MED15: variants seen among roughly 807,000 people sequenced by gnomAD.
MED15 encodes mediator of RNA polymerase II transcription subunit 15.
Under a neutral mutation model 118.7 loss-of-function variants are expected in MED15, and 41 were observed. The observed-to-expected ratio is 0.35, with a 90% CI of 0.27 to 0.45. MED15 has a LOEUF of 0.45. MED15 is among the 20% of genes least tolerant of loss of function. The pLI is 1.00. For synonymous variants in MED15, 436 were observed against 413.9 expected, an observed-to-expected ratio of 1.05 and a Z score of -0.65; for missense variants, 740 against 1,025.5, an observed-to-expected ratio of 0.72 and a Z score of 3.80.
rs1166054585 is a variant in MED15, at chr22:20,508,034, TC to T, written c.68+293del. On this transcript the variant is annotated intron_variant, in intron 1 of 17. Coordinates refer to ENST00000263205, the MANE Select transcript of MED15 (RefSeq NM_001003891.3). ...ATTTGTGTGCTTTGGGTGCAGACTT[TC>T]CCCCGCTTTTTGAACCACACTGAAT... The T allele has an allele frequency of 3.6e-6, 5 of 1,390,420 alleles. No homozygotes were observed. In the Admixed American group the frequency reaches 9.0e-5, roughly 25 times the overall value. The allele number at this position is 1,390,420 out of a possible 1,614,324, so 86.1% of individuals were successfully genotyped here.
Position 20,587,022 on chromosome 22 carries a change from C to T in MED15, c.*318C>T. 1 of 421,426 alleles carries T rather than the reference C, an allele frequency of 2.4e-6. No individual in the cohort carries two copies. The highest frequency in any genetic ancestry group is 4.4e-6 in the Non-Finnish European group (1 of 228,302). 26.1% of individuals were successfully genotyped at this position (421,426 alleles called of 1,614,324 possible). ...CCACGGTCCAGGTCCATCTCAGCAGCGTGAGGGTGCACTCAGGGTGTTGTT... is the reference window on the plus strand; with the variant it reads ...CCACGGTCCAGGTCCATCTCAGCAGTGTGAGGGTGCACTCAGGGTGTTGTT... On this transcript the variant is annotated 3_prime_UTR_variant, in exon 18 of 18. Coordinates refer to ENST00000263205, the MANE Select transcript of MED15 (RefSeq NM_001003891.3).
intron 1 of MED15, 78 bp downstream of exon 1, chr22:20,507,824 C>T (rs1202502905): frequency 1.3e-6 from 2 of 1,585,694 alleles, no homozygotes; most frequent in Middle Eastern, 1.7e-4. Context: ...GGGCCGGACC[C>T]GTGAGAAACC....
Position 20,586,886 on chromosome 22 carries a change from A to G in MED15, c.*182A>G. On this transcript the variant is annotated 3_prime_UTR_variant, in exon 18 of 18. Coordinates refer to ENST00000263205, the MANE Select transcript of MED15 (RefSeq NM_001003891.3). ...ACCTGTACAGAACTGGGATAGGCGC[A>G]GTGGAGCGGGTTGCTTGGGGGGCGT... 1.0e-6 allele frequency: 1 copy of G among 971,474 alleles called. No individual in the cohort carries two copies. Among genetic ancestry groups the G allele is most frequent in the African/African-American group, 1.6e-5 (1 of 61,066 alleles). 60.2% of individuals were successfully genotyped at this position (971,474 alleles called of 1,614,324 possible). A position where few individuals can be genotyped will look rare whatever the true frequency, so the allele number is the denominator to read the frequency against.
rs752939925 is a variant in MED15 at position 20,568,637 on chromosome 22, G to T, written c.1152+6G>T. The T allele has an allele frequency of 1.9e-6, 3 of 1,612,304 alleles. No homozygotes were observed. Among genetic ancestry groups the T allele is most frequent in the South Asian group, 1.1e-5 (1 of 90,876 alleles). Reference sequence around the variant, plus strand: ...TGGTGGCTCCCGGAGTCCAGGTGAGGGCCTGGGGGTGGAGGGCTCCATAGT... The same window carrying T: ...TGGTGGCTCCCGGAGTCCAGGTGAGTGCCTGGGGGTGGAGGGCTCCATAGT... On this transcript the variant is annotated splice_donor_region_variant and intron_variant, in intron 8 of 17. Transcript: ENST00000263205.
At position 20,523,349 on chromosome 22, in the gene MED15, C is replaced by CT. The variant is rs201316254; in HGVS notation, c.69-13759dup. Among the ~76,000 whole-genome samples the CT allele has an allele frequency of 1.5e-3, 219 of 150,760 alleles. 2 individuals carry two copies. The Middle Eastern group carries it at 0.017, about 12-fold the overall frequency. Reference sequence around the variant, plus strand: ...GGGCTTGAGATAAGCATTTGACTTCCTTTTTTTTTAAAAAAAAAGTTCATT... The same window carrying CT: ...GGGCTTGAGATAAGCATTTGACTTCCTTTTTTTTTTAAAAAAAAAGTTCATT... On this transcript the variant is annotated intron_variant, in intron 1 of 17. Transcript: ENST00000263205.
In MED15 at chr22:20,575,184, C is replaced by T. The variant is rs758103595; in HGVS notation, c.1224C>T (p.Ser408=). 8.1e-6 allele frequency: 13 copies of T among 1,614,044 alleles called. No homozygotes were observed. Among genetic ancestry groups the T allele is most frequent in the African/African-American group, 5.3e-5 (4 of 74,932 alleles). ...GGTTCCCGCCTACCACCGCTGTGTC[C>T]GCCATCCCGTCAAGCTCCATCCCTT... The part of the protein sequence containing the change: ...RARFPPTTAV[S]AIPSSSIPLG... The change falls in exon 9 of 18, where the codon TCC becomes TCT. Residue 408 remains serine, a synonymous_variant. Coordinates refer to ENST00000263205, the MANE Select transcript of MED15 (RefSeq NM_001003891.3).
At chr22:20,564,709 G>A in intron 6 of MED15, 21 bp downstream of exon 6, 1 of 1,613,964 alleles carries the variant, frequency 6.2e-7, no homozygotes, top group Non-Finnish European at 8.5e-7. Flanking sequence ...CCCTGTTCCT[G>A]CTCTTGGCCT....
chr22:20,584,110 C>A, intron 13 of MED15: 1 of 554,322 alleles, frequency 1.8e-6, no homozygotes, highest in Non-Finnish European at 3.2e-6. Context: ...GAGGCATTCA[C>A]AGCCTGATCA....
chr22:20,546,511 G>GTT (rs748241696), intron 2 of MED15, among the ~76,000 whole-genome samples: 1 of 134,100 alleles, frequency 7.5e-6, no homozygotes, highest in Non-Finnish European at 1.5e-5. Context: ...AGTTTTTTTT[G>GTT]TTTTTTTTTT....
At chr22:20,510,357 G>A (rs1375802167) in intron 1 of MED15, among the ~76,000 whole-genome samples, 1 of 152,138 alleles carries the variant, frequency 6.6e-6, no homozygotes, top group African/African-American at 2.4e-5. Flanking sequence ...CTGCTATCCC[G>A]CCTAGTGACA....
intron 1 of MED15, among the ~76,000 whole-genome samples, chr22:20,530,876 G>A (rs1238326393): frequency 6.6e-6 from 1 of 152,166 alleles, no homozygotes; most frequent in South Asian, 2.1e-4. Context: ...TGCTGAGGAG[G>A]GGGCAACAAT....
Position 20,566,574 on chromosome 22 carries a change from C to CCAGCCACCAATTCAG in MED15, c.807_821dup (p.Ile270_Pro274dup), listed in dbSNP as rs757497835. ...AGCAGCAGCAGCAGGCTTTGCAGGC[C>CCAGCCACCAATTCAG]CAGCCACCAATTCAGCAGCCACCGA... On this transcript the variant is annotated inframe_insertion, in exon 7 of 18. Coordinates refer to ENST00000263205, the MANE Select transcript of MED15 (RefSeq NM_001003891.3). 2 of 1,612,908 alleles carry CCAGCCACCAATTCAG rather than the reference C, an allele frequency of 1.2e-6. No homozygotes were observed. The highest frequency in any genetic ancestry group is 2.2e-5 in the South Asian group (2 of 91,012).
intron 1 of MED15, among the ~76,000 whole-genome samples, chr22:20,520,586 A>G (rs2054410992): frequency 6.6e-6 from 1 of 152,144 alleles, no homozygotes; most frequent in African/African-American, 2.4e-5. Context: ...AATCCCTATC[A>G]CAGTGAACGA....
chr22:20,553,476 C>G (rs1215649154), intron 4 of MED15, among the ~76,000 whole-genome samples: 2 of 152,206 alleles, frequency 1.3e-5, no homozygotes, highest in South Asian at 2.1e-4. Flanking sequence ...GTTGAGCTCT[C>G]TGGTAGAGAA....
At chr22:20,512,005 T>TTTTTTTTTTTTA (rs2054085685) in intron 1 of MED15, among the ~76,000 whole-genome samples, 1 of 144,428 alleles carries the variant, frequency 6.9e-6, no homozygotes. Context: ...TTTTTTTTTT[T>TTTTTTTTTTTTA]GGAGACAAGA....
At chr22:20,585,635 T>C (rs1168855323) in intron 16 of MED15, 93 bp from the exon 17 acceptor site, 3 of 1,196,306 alleles carry the variant, frequency 2.5e-6, no homozygotes, top group Non-Finnish European at 3.7e-6. Flanking sequence ...CACCAGAACC[T>C]CCCTGGGTGT....
intron 8 of MED15, 47 bp from the exon 9 acceptor site, chr22:20,575,066 G>T: frequency 6.2e-7 from 1 of 1,609,478 alleles, no homozygotes; most frequent in African/African-American, 1.3e-5. Context: ...CAGGCACTGA[G>T]TTTCTTTGTT....
intron 1 of MED15, among the ~76,000 whole-genome samples, chr22:20,531,922 A>G (rs1263200753): frequency 6.6e-6 from 1 of 152,196 alleles, no homozygotes; most frequent in African/African-American, 2.4e-5. Flanking sequence ...GCCTGATGGG[A>G]TAGTCAGGCA....
intron 9 of MED15, among the ~76,000 whole-genome samples, chr22:20,575,719 A>G (rs1211124813): frequency 1.3e-5 from 2 of 150,702 alleles, no homozygotes; most frequent in African/African-American, 4.9e-5. Context: ...TTAATTATAT[A>G]CATTTTTTAA....
Sources: allele counts gnomAD v4.1 joint callset (sites outside exome capture counted in the v4.1 genomes callset), GRCh38; gene constraint gnomAD v4.1.1; transcripts MANE v1.5; gene names NCBI Gene and HGNC (gene_info 2026-07-23, HGNC 2026-07-21).